Variants in ELAVL2 observed in about 807,000 individuals in gnomAD.
ELAVL2 encodes the protein ELAV like RNA binding protein 2, also known as ELAV-like protein 2.
ELAVL2 carries 4 observed loss-of-function variants against 34.6 expected under a neutral mutation model. The ratio of observed to expected loss-of-function variants is 0.12; its 90% confidence interval spans 0.06 to 0.26. The LOEUF (loss-of-function observed/expected upper bound fraction) is 0.26. Among genes scored for constraint, ELAVL2 ranks in the 10% least tolerant of loss-of-function variants. The pLI is 1.00. For synonymous variants in ELAVL2, 193 were observed against 154.8 expected (o/e 1.25, Z -1.83); for missense variants, 432 against 442.8 (o/e 0.98, Z 0.22).
At chr9:23,733,843 AC>A (rs1392811527) in intron 2 of ELAVL2, among the ~76,000 whole-genome samples, 1 of 152,118 alleles carries the variant, frequency 6.6e-6, no homozygotes, top group Admixed American at 6.6e-5. Flanking sequence ...CACCACCACC[AC>A]CATCAGAAGA....
Position 23,777,858 on chromosome 9 carries a change from C to G in ELAVL2, c.-15-15609G>C, listed in dbSNP as rs193197395. ...TGCCAAGAATAAAGACAGCTGGCCT[C>G]CTACATTACAAATAACCAAAATGGA... On this transcript the variant is annotated intron_variant, in intron 1 of 6. Coordinates refer to ENST00000397312, the MANE Select transcript of ELAVL2 (RefSeq NM_004432.5). 6.2e-4 allele frequency among the ~76,000 whole-genome samples: 94 copies of G among 152,266 alleles called. 1 individual carries two copies. The highest frequency in any genetic ancestry group is 2.8e-3 in the Admixed American group (43 of 15,290).
chr9:23,759,475 G>A (rs1007727300), intron 2 of ELAVL2, among the ~76,000 whole-genome samples: 1 of 151,536 alleles, frequency 6.6e-6, no homozygotes, highest in African/African-American at 2.4e-5. Context: ...AATAAGTTCT[G>A]GTGTGCTATT....
chr9:23,716,103 G>A (rs546302488), intron 3 of ELAVL2, among the ~76,000 whole-genome samples: 5 of 150,068 alleles, frequency 3.3e-5, no homozygotes, highest in African/African-American at 4.9e-5. Context: ...CTCATAGGTG[G>A]GAAGTGAACA....
Position 23,692,978 on chromosome 9 carries a change from A to G in ELAVL2, c.753-94T>C. Reference sequence around the variant, plus strand: ...AACGTATACCTTTTCCATCCCCAAGAATTTTAGTAACTCTCCTCCCCCAAC... The same window carrying G: ...AACGTATACCTTTTCCATCCCCAAGGATTTTAGTAACTCTCCTCCCCCAAC... On this transcript the variant is annotated intron_variant, in intron 6 of 6. Coordinates refer to ENST00000397312, the MANE Select transcript of ELAVL2 (RefSeq NM_004432.5). 5 of 1,138,400 alleles carry G rather than the reference A, an allele frequency of 4.4e-6. No individual in the cohort carries two copies. The South Asian group carries it at 8.0e-5, about 18-fold the overall frequency. The allele number at this position is 1,138,400 out of a possible 1,614,324, so 70.5% of individuals were successfully genotyped here. A position where few individuals can be genotyped will look rare whatever the true frequency, so the allele number is the denominator to read the frequency against.
chr9:23,715,035 A>G (rs2041945221), intron 3 of ELAVL2, among the ~76,000 whole-genome samples: 1 of 152,160 alleles, frequency 6.6e-6, no homozygotes, highest in African/African-American at 2.4e-5. Flanking sequence ...CTTTTATATT[A>G]CTATGTTTTA....
intron 1 of ELAVL2, among the ~76,000 whole-genome samples, chr9:23,812,102 G>C (rs957889497): frequency 3.3e-5 from 5 of 152,016 alleles, no homozygotes; most frequent in Admixed American, 1.3e-4. Flanking sequence ...ACTATTAAAT[G>C]CAAGAGTGGG....
At chr9:23,771,300 C>A (rs902687915) in intron 1 of ELAVL2, among the ~76,000 whole-genome samples, 33 of 152,294 alleles carry the variant, frequency 2.2e-4, no homozygotes, top group African/African-American at 7.7e-4. Context: ...TAGATACTAA[C>A]TGCTCACATT....
chr9:23,819,122 T>TG (rs1442317480), intron 1 of ELAVL2, among the ~76,000 whole-genome samples: 2 of 152,124 alleles, frequency 1.3e-5, no homozygotes, highest in African/African-American at 4.8e-5. Flanking sequence ...CAGGGAAGGC[T>TG]GGAAGAGCCA....
upstream of ELAVL2, chr9:23,826,370 C>G (rs1391723452): frequency 1.3e-5 from 2 of 152,340 alleles, no homozygotes; most frequent in African/African-American, 2.4e-5. Context: ...AAGTATACGC[C>G]GAATCGCGCC....
chr9:23,810,328 G>C (rs988406899), intron 1 of ELAVL2, among the ~76,000 whole-genome samples: 1 of 151,974 alleles, frequency 6.6e-6, no homozygotes, highest in Non-Finnish European at 1.5e-5. Flanking sequence ...ATAATCCAAG[G>C]TCAGAATCCT....
At chr9:23,808,304 T>A (rs563376208) in intron 1 of ELAVL2, among the ~76,000 whole-genome samples, 2 of 152,114 alleles carry the variant, frequency 1.3e-5, no homozygotes, top group African/African-American at 4.8e-5. Context: ...TAACATAATA[T>A]CTCCTCCAAT....
At chr9:23,758,770 G>A (rs2135892204) in intron 2 of ELAVL2, among the ~76,000 whole-genome samples, 1 of 152,094 alleles carries the variant, frequency 6.6e-6, no homozygotes, top group Middle Eastern at 3.4e-3. Context: ...ATTCAAACAG[G>A]TTTTCTTTAC....
At chr9:23,755,279 C>CA (rs2053272267) in intron 2 of ELAVL2, among the ~76,000 whole-genome samples, 1 of 152,092 alleles carries the variant, frequency 6.6e-6, no homozygotes, top group African/African-American at 2.4e-5. Flanking sequence ...TAAAATGTTA[C>CA]AAATTTCTAG....
chr9:23,723,940 C>T (rs536924578), intron 3 of ELAVL2, among the ~76,000 whole-genome samples: 54 of 152,234 alleles, frequency 3.5e-4, no homozygotes, highest in Non-Finnish European at 6.0e-4. Context: ...ACTTCTGTGG[C>T]TTTCCCCCTA....
At chr9:23,796,571 T>C (rs1284826819) in intron 1 of ELAVL2, among the ~76,000 whole-genome samples, 2 of 152,236 alleles carry the variant, frequency 1.3e-5, no homozygotes, top group African/African-American at 4.8e-5. Flanking sequence ...TGCTGCTTAG[T>C]CATTATGATC....
chr9:23,844,529 T>G, the ELAVL2 span, among the ~76,000 whole-genome samples: 1 of 151,990 alleles, frequency 6.6e-6, no homozygotes, highest in African/African-American at 2.4e-5. Context: ...TTAGCTCTAA[T>G]TATCTTTAAC....
intron 3 of ELAVL2, among the ~76,000 whole-genome samples, chr9:23,706,926 A>G (rs556442889): frequency 6.6e-6 from 1 of 152,236 alleles, no homozygotes; most frequent in African/African-American, 2.4e-5. Flanking sequence ...CCCTGCCCCA[A>G]TGGTGTTAAC....
chr9:23,849,232 G>A, the ELAVL2 span, among the ~76,000 whole-genome samples: 4 of 152,184 alleles, frequency 2.6e-5, no homozygotes, highest in Non-Finnish European at 5.9e-5. Flanking sequence ...GAATGAATCT[G>A]TAACACTTTA....
chr9:23,696,664 G>T (rs2035353602), intron 5 of ELAVL2, among the ~76,000 whole-genome samples: 1 of 151,868 alleles, frequency 6.6e-6, no homozygotes, highest in South Asian at 2.1e-4. Flanking sequence ...GTAGAGACGG[G>T]GTTTCACCAT....
Sources: allele counts gnomAD v4.1 joint callset (sites outside exome capture counted in the v4.1 genomes callset), GRCh38; gene constraint gnomAD v4.1.1; transcripts MANE v1.5; gene names NCBI Gene and HGNC (gene_info 2026-07-23, HGNC 2026-07-21).